The following NEK4 variants were observed in gnomAD, a reference collection of about 807,000 sequenced individuals.
The protein encoded by NEK4 is NIMA related kinase 4.
Under a neutral mutation model 98.4 loss-of-function variants are expected in NEK4, and 86 were observed. The observed-to-expected ratio is 0.87, with a 90% confidence interval of 0.73 to 1.05. NEK4 has a LOEUF of 1.05. Among genes scored for constraint, NEK4 ranks in the 50% least tolerant of loss-of-function variants. The pLI is 0.00. For missense variants in NEK4, 898 were observed against 950.3 expected (o/e 0.94, Z 0.72); for synonymous variants, 328 against 342.2 (o/e 0.96, Z 0.46).
In NEK4 at chr3:52,752,013, G is replaced by T. The variant is rs778862309; in HGVS notation, c.1287C>A (p.Ser429=). Residue 429 remains serine, a synonymous_variant, in exon 7 of 16, where the codon TCC becomes TCA. Transcript: ENST00000233027. ...TCTTTTCCCCAGTGACAATGTCAGA[G>T]GACCACATGGGAATCAGGTTTTCAG... ...AQPENLIPMW[S]SDIVTGEKNE... is the part of the protein sequence containing the mutation. The T allele has an allele frequency of 3.1e-6, 5 of 1,614,186 alleles. No homozygotes were observed. The Admixed American group carries it at 6.7e-5, about 22-fold the overall frequency.
chr3:52,732,828 G>A, intron 15 of NEK4: 1 of 236,162 alleles, frequency 4.2e-6, no homozygotes, highest in East Asian at 1.1e-4. Flanking sequence ...TGCATCAAAG[G>A]TGTGAACACA....
At chr3:52,734,120 G>A (rs979186971) in intron 15 of NEK4, among the ~76,000 whole-genome samples, 1 of 152,098 alleles carries the variant, frequency 6.6e-6, no homozygotes, top group South Asian at 2.1e-4. Flanking sequence ...AGCACTTGAG[G>A]AGGCCAAGGC....
intron 11 of NEK4, among the ~76,000 whole-genome samples, chr3:52,743,972 C>A (rs2097391131): frequency 6.6e-6 from 1 of 152,222 alleles, no homozygotes; most frequent in South Asian, 2.1e-4. Context: ...GATTTCTGGT[C>A]TGAAACCTCC....
chr3:52,764,095 G>A (rs905538803), intron 4 of NEK4, among the ~76,000 whole-genome samples: 46 of 151,728 alleles, frequency 3.0e-4, no homozygotes, highest in African/African-American at 1.1e-3. Context: ...GACCAGTCTG[G>A]CCAACATGGT....
At chr3:52,725,844 T>C (rs6788355) in intron 15 of NEK4, among the ~76,000 whole-genome samples, 1,560 of 152,068 alleles carry the variant, frequency 0.01, 26 homozygotes, top group African/African-American at 0.036. Context: ...GAACATAAAT[T>C]AGTAAAATAA....
At chr3:52,747,628 G>A (rs931466646) in intron 8 of NEK4, among the ~76,000 whole-genome samples, 2 of 151,950 alleles carry the variant, frequency 1.3e-5, no homozygotes, top group Non-Finnish European at 2.9e-5. Context: ...AACGCTCCAT[G>A]CCTACTTTTA....
In NEK4 at chr3:52,708,824, A is replaced by C. The variant is rs978420187; in HGVS notation, c.*2953T>G. 6.6e-6 allele frequency: 1 copy of C among 152,234 alleles called. No homozygotes were observed. Among genetic ancestry groups the C allele is most frequent in the South Asian group, 2.1e-4 (1 of 4,832 alleles). 9.4% of individuals were successfully genotyped at this position (152,234 alleles called of 1,614,324 possible). ...TGCAGTGTAGCCAGAGCAAGGACATAAAACTTCCTTAGCTTTGTAAGTCTG... is the reference window on the plus strand; with the variant it reads ...TGCAGTGTAGCCAGAGCAAGGACATCAAACTTCCTTAGCTTTGTAAGTCTG... On this transcript the variant is annotated 3_prime_UTR_variant, in exon 16 of 16. Coordinates refer to ENST00000233027, the MANE Select transcript of NEK4 (RefSeq NM_003157.6).
chr3:52,720,058 G>T (rs956430966), intron 15 of NEK4, among the ~76,000 whole-genome samples: 1 of 152,094 alleles, frequency 6.6e-6, no homozygotes, highest in Non-Finnish European at 1.5e-5. Flanking sequence ...CGAGGTGGGC[G>T]AATCACTTGA....
intron 6 of NEK4, among the ~76,000 whole-genome samples, chr3:52,759,449 T>C (rs1275137488): frequency 6.6e-6 from 1 of 150,874 alleles, no homozygotes; most frequent in Non-Finnish European, 1.5e-5. Context: ...AAAGAAGACA[T>C]ACAAATGGCC....
chr3:52,763,341 T>C, intron 5 of NEK4, 129 bp downstream of exon 5: 1 of 985,904 alleles, frequency 1.0e-6, no homozygotes, highest in South Asian at 1.7e-5. Flanking sequence ...CCTCTACATA[T>C]GTAATCATGC....
At chr3:52,761,609 T>C (rs1370734301) in intron 5 of NEK4, among the ~76,000 whole-genome samples, 1 of 152,184 alleles carries the variant, frequency 6.6e-6, no homozygotes, top group East Asian at 1.9e-4. Flanking sequence ...TATTTCGATG[T>C]TGGTTTCTTA....
Position 52,760,667 on chromosome 3 carries a change from A to C in NEK4, c.963+128T>G. ...ACCTTAACCAGTATTCTTTCTTTAC[A>C]GTAAGGAATTAATTGTACAACAGAA... On this transcript the variant is annotated intron_variant, in intron 6 of 15. Transcript: ENST00000233027. 10 of 733,942 alleles carry C rather than the reference A, an allele frequency of 1.4e-5. No homozygotes were observed. The Admixed American group carries it at 2.0e-4, about 15-fold the overall frequency. The allele number at this position is 733,942 out of a possible 1,614,324, so 45.5% of individuals were successfully genotyped here.
chr3:52,769,320 G>C (rs1471067574), intron 1 of NEK4, among the ~76,000 whole-genome samples: 1 of 152,182 alleles, frequency 6.6e-6, no homozygotes, highest in Non-Finnish European at 1.5e-5. Context: ...AGACAGAATA[G>C]TCTGTGGATT....
chr3:52,768,661 C>A, intron 1 of NEK4, 57 bp from the exon 2 acceptor site: 1 of 1,542,896 alleles, frequency 6.5e-7, no homozygotes, highest in Non-Finnish European at 8.9e-7. Flanking sequence ...TTTGTGGCCT[C>A]AGAGTTATCT....
intron 8 of NEK4, among the ~76,000 whole-genome samples, chr3:52,748,109 G>A (rs368631842): frequency 1.5e-4 from 23 of 148,968 alleles, no homozygotes; most frequent in African/African-American, 4.2e-4. Context: ...ACAGGTGGCC[G>A]CCACCACGCC....
intron 12 of NEK4, 192 bp downstream of exon 12, chr3:52,743,160 T>C (rs139157053): frequency 5.8e-4 from 297 of 514,438 alleles, no homozygotes; most frequent in African/African-American, 5.0e-3. Context: ...ACCTGAAAAA[T>C]TTATTCCCTT....
chr3:52,714,291 T>G (rs2097353069), intron 15 of NEK4, among the ~76,000 whole-genome samples: 1 of 152,192 alleles, frequency 6.6e-6, no homozygotes, highest in Non-Finnish European at 1.5e-5. Flanking sequence ...TAAATAAAAA[T>G]TATAGGAGGC....
At chr3:52,715,507 C>G (rs1270989263) in intron 15 of NEK4, among the ~76,000 whole-genome samples, 2 of 152,248 alleles carry the variant, frequency 1.3e-5, no homozygotes, top group Non-Finnish European at 2.9e-5. Context: ...TTGCCTCAGC[C>G]TGCCCAGTAG....
rs1192487561 is a variant in NEK4, at chr3:52,752,201, T to C, written c.1099A>G (p.Ile367Val). Residue 367 changes from isoleucine to valine, a missense_variant, in exon 7 of 16, where the codon ATT (isoleucine) becomes GTT (valine). By Grantham distance (29) the Ile-to-Val change is conservative. Transcript: ENST00000233027. ...TELATISSVN[I>V]DILPAKGRDS... ...CTCCCTTTTGCAGGTAAGATGTCAATATTTACGCTACTGATTGTGGCTAGT... is the reference window on the plus strand; with the variant it reads ...CTCCCTTTTGCAGGTAAGATGTCAACATTTACGCTACTGATTGTGGCTAGT... 9 of 1,614,088 alleles carry C rather than the reference T, an allele frequency of 5.6e-6. No homozygotes were observed. The highest frequency in any genetic ancestry group is 2.2e-5 in the East Asian group (1 of 44,896).
Sources: gnomAD v4.1 joint callset for allele counts (sites outside exome capture counted in the v4.1 genomes callset) on GRCh38, gnomAD v4.1.1 for gene constraint, MANE v1.5 for transcripts, NCBI Gene and HGNC (gene_info 2026-07-23, HGNC 2026-07-21) for gene names.